NSMCE2: variants seen among roughly 807,000 people sequenced by gnomAD.
The protein encoded by NSMCE2 is E3 SUMO-protein ligase NSE2.
Under a neutral mutation model 23.8 loss-of-function variants are expected in NSMCE2, and 24 were observed. The ratio of observed to expected loss-of-function variants is 1.01; its 90% CI spans 0.73 to 1.42. The LOEUF (loss-of-function observed/expected upper bound fraction) is 1.42. Ranked by LOEUF, NSMCE2 falls within the 40% of genes most tolerant of loss-of-function variation. The pLI, the probability that NSMCE2 is intolerant of heterozygous loss-of-function variation, is 0.00. For missense variants in NSMCE2, 284 were observed against 296.5 expected, an observed-to-expected ratio of 0.96 and a Z score of 0.31; for synonymous variants, 92 against 94.1, an observed-to-expected ratio of 0.98 and a Z score of 0.13.
At chr8:125,129,576 G>GTGTGTGTGTGTGTC (rs1208477375) in intron 3 of NSMCE2, among the ~76,000 whole-genome samples, 2 of 151,520 alleles carry the variant, frequency 1.3e-5, no homozygotes, top group African/African-American at 4.8e-5. Context: ...GTGTGTGTGT[G>GTGTGTGTGTGTGTC]TGTCTGTGTG....
At chr8:125,260,925 A>C (rs112902333) in intron 5 of NSMCE2, among the ~76,000 whole-genome samples, 2,209 of 152,092 alleles carry the variant, frequency 0.015, 59 homozygotes, top group African/African-American at 0.051. Flanking sequence ...TGCCTGGCCA[A>C]ATTTCTTAAT....
chr8:125,137,839 AATAATG>A (rs1820150675), intron 3 of NSMCE2, among the ~76,000 whole-genome samples: 1 of 152,206 alleles, frequency 6.6e-6, no homozygotes, highest in South Asian at 2.1e-4. Context: ...ATAAGATGGT[AATAATG>A]ATAATGTCTT....
chr8:125,364,573 G>A (rs1723755094), intron 7 of NSMCE2, among the ~76,000 whole-genome samples: 1 of 152,218 alleles, frequency 6.6e-6, no homozygotes, highest in African/African-American at 2.4e-5. Context: ...TGCATGCTTA[G>A]AACCTAGCAT....
chr8:125,162,511 A>G (rs1821680929), intron 4 of NSMCE2, among the ~76,000 whole-genome samples: 1 of 152,066 alleles, frequency 6.6e-6, no homozygotes, highest in South Asian at 2.1e-4. Flanking sequence ...GTGCCTGCCC[A>G]CTGAATAGCT....
intron 5 of NSMCE2, among the ~76,000 whole-genome samples, chr8:125,294,859 G>A (rs1315762790): frequency 1.3e-5 from 2 of 152,212 alleles, no homozygotes; most frequent in Non-Finnish European, 2.9e-5. Context: ...AATCCAGACA[G>A]CACTTTGGTT....
chr8:125,200,907 T>C (rs1823842136), intron 5 of NSMCE2, among the ~76,000 whole-genome samples: 1 of 152,220 alleles, frequency 6.6e-6, no homozygotes, highest in South Asian at 2.1e-4. Context: ...TCTTGCTTTA[T>C]TTCATTAATT....
chr8:125,108,033 CA>C (rs11292879), intron 3 of NSMCE2, among the ~76,000 whole-genome samples: 74,243 of 149,334 alleles, frequency 0.5, 22,339 homozygotes, highest in African/African-American at 0.86. Context: ...GAGCCTGTCT[CA>C]AAAAAAAAAT....
At chr8:125,315,547 A>T (rs966127802) in intron 5 of NSMCE2, among the ~76,000 whole-genome samples, 2 of 152,222 alleles carry the variant, frequency 1.3e-5, no homozygotes, top group East Asian at 3.8e-4. Flanking sequence ...TAGCTAATTC[A>T]TGAAAAGTGT....
intron 5 of NSMCE2, among the ~76,000 whole-genome samples, chr8:125,207,890 C>T (rs1411699054): frequency 1.3e-5 from 2 of 152,176 alleles, no homozygotes; most frequent in African/African-American, 2.4e-5. Flanking sequence ...AGAGCCGGAG[C>T]TGAAGAGCTC....
intron 7 of NSMCE2, among the ~76,000 whole-genome samples, chr8:125,366,291 A>G (rs1813788648): frequency 6.6e-6 from 1 of 152,252 alleles, no homozygotes; most frequent in Non-Finnish European, 1.5e-5. Context: ...CGGTAATCCC[A>G]GCACTTTGGG....
chr8:125,298,260 AAAAT>A (rs2131186531), intron 5 of NSMCE2, among the ~76,000 whole-genome samples: 1 of 152,368 alleles, frequency 6.6e-6, no homozygotes. Flanking sequence ...TCCATCTCAA[AAAAT>A]AAATAAATAA....
At chr8:125,150,460 G>A (rs1820945767) in intron 3 of NSMCE2, among the ~76,000 whole-genome samples, 1 of 86,284 alleles carries the variant, frequency 1.2e-5, no homozygotes, top group Non-Finnish European at 2.1e-5. Context: ...TTGAGATGGA[G>A]TCTCACTCTG....
chr8:125,180,203 C>T (rs1822730093), intron 4 of NSMCE2, among the ~76,000 whole-genome samples: 2 of 152,258 alleles, frequency 1.3e-5, no homozygotes, highest in African/African-American at 4.8e-5. Flanking sequence ...ATATAAGGCA[C>T]TATTATATTG....
At chr8:125,150,225 A>G (rs992634019) in intron 3 of NSMCE2, among the ~76,000 whole-genome samples, 4 of 152,106 alleles carry the variant, frequency 2.6e-5, no homozygotes, top group Non-Finnish European at 5.9e-5. Flanking sequence ...TCATCTTTAT[A>G]CAAAGAGTTG....
intron 5 of NSMCE2, among the ~76,000 whole-genome samples, chr8:125,344,604 G>C (rs1228077440): frequency 1.3e-5 from 2 of 151,978 alleles, no homozygotes; most frequent in Admixed American, 6.6e-5. Flanking sequence ...TTAGCCAGGA[G>C]TGGTGGCATG....
intron 5 of NSMCE2, among the ~76,000 whole-genome samples, chr8:125,231,663 A>G (rs965567300): frequency 1.3e-5 from 2 of 152,212 alleles, no homozygotes; most frequent in Non-Finnish European, 2.9e-5. Context: ...ATACTGTTTC[A>G]TGAAATTTTT....
At chr8:125,351,094 T>C (rs1813012978) in intron 5 of NSMCE2, among the ~76,000 whole-genome samples, 1 of 152,172 alleles carries the variant, frequency 6.6e-6, no homozygotes, top group Non-Finnish European at 1.5e-5. Context: ...CCAAGAATGA[T>C]TCCAAAGGCT....
intron 5 of NSMCE2, among the ~76,000 whole-genome samples, chr8:125,224,032 T>G (rs1343554117): frequency 6.6e-6 from 1 of 151,844 alleles, no homozygotes; most frequent in Non-Finnish European, 1.5e-5. Context: ...AGAGAGGAGG[T>G]CTGGCTGTTT....
At chr8:125,328,151 CTTTTTTT>C (rs34667555) in intron 5 of NSMCE2, among the ~76,000 whole-genome samples, 2 of 141,650 alleles carry the variant, frequency 1.4e-5, no homozygotes, top group Non-Finnish European at 3.1e-5. Flanking sequence ...TCTCACTGGC[CTTTTTTT>C]TTTTTTTTTA....
Sources: allele counts gnomAD v4.1 joint callset (sites outside exome capture counted in the v4.1 genomes callset), GRCh38; gene constraint gnomAD v4.1.1; transcripts MANE v1.5; gene names NCBI Gene and HGNC (gene_info 2026-07-23, HGNC 2026-07-21).